A1CF: variants seen among roughly 807,000 people sequenced by gnomAD.
The protein encoded by A1CF is APOBEC1 complementation factor, also known as APOBEC-1 stimulating protein.
In A1CF, 48 loss-of-function variants were observed where a neutral mutation model predicts 68.9. The observed-to-expected ratio is 0.70, with a 90% CI of 0.55 to 0.89. The LOEUF is 0.89. Ranked by LOEUF, A1CF falls within the 40% of genes least tolerant of loss-of-function variation. The pLI is 0.00. For synonymous variants in A1CF, 272 were observed against 260.4 expected, an observed-to-expected ratio of 1.04 and a Z score of -0.43; for missense variants, 653 against 718.9, an observed-to-expected ratio of 0.91 and a Z score of 1.05.
chr10:50,809,560 C>G (rs898688245), intron 12 of A1CF, among the ~76,000 whole-genome samples: 1 of 152,070 alleles, frequency 6.6e-6, no homozygotes, highest in Admixed American at 6.5e-5. Flanking sequence ...ACAGTAAGAT[C>G]TCCAATAAAC....
At chr10:50,830,100 A>G (rs2132402612) in intron 6 of A1CF, among the ~76,000 whole-genome samples, 1 of 152,320 alleles carries the variant, frequency 6.6e-6, no homozygotes, top group East Asian at 1.9e-4. Flanking sequence ...CAAATACATT[A>G]ACTATAGTCA....
At chr10:50,838,835 A>G (rs1049521776) in intron 5 of A1CF, among the ~76,000 whole-genome samples, 1 of 151,964 alleles carries the variant, frequency 6.6e-6, no homozygotes, top group South Asian at 2.1e-4. Context: ...CGTTTATTCT[A>G]CCCCCTAATT....
chr10:50,866,541 T>C (rs1334660667), intron 1 of A1CF, among the ~76,000 whole-genome samples: 1 of 152,214 alleles, frequency 6.6e-6, no homozygotes, highest in East Asian at 1.9e-4. Context: ...TCAGGGAAGT[T>C]GGCAGGGAAA....
At chr10:50,812,362 T>A (rs1454652151) in intron 10 of A1CF, among the ~76,000 whole-genome samples, 3 of 152,206 alleles carry the variant, frequency 2.0e-5, no homozygotes, top group Non-Finnish European at 2.9e-5. Context: ...GGTGGTGGCA[T>A]GGTCTTCATT....
rs371020007 is a variant in A1CF at position 50,808,547 on chromosome 10, A to G, written c.1609+1347T>C. Among the ~76,000 whole-genome samples, 21 of 152,298 alleles carry G rather than the reference A, an allele frequency of 1.4e-4. No individual in the cohort carries two copies. The South Asian group carries it at 3.9e-3, about 29-fold the overall frequency. ...AGGCATCCTGAGTAAATGGACATGT[A>G]AACACCCTGTTATGTGGAAAGCAAG... On this transcript the variant is annotated intron_variant, in intron 12 of 12. Coordinates refer to ENST00000373997, the MANE Select transcript of A1CF (RefSeq NM_014576.4).
chr10:50,819,876 C>T (rs1167989816), intron 8 of A1CF, among the ~76,000 whole-genome samples: 1 of 152,290 alleles, frequency 6.6e-6, no homozygotes, highest in South Asian at 2.1e-4. Context: ...ACGTTTATCT[C>T]TCTTTATGAT....
intron 3 of A1CF, among the ~76,000 whole-genome samples, chr10:50,851,683 A>G (rs1840248920): frequency 6.6e-6 from 1 of 152,192 alleles, no homozygotes; most frequent in Non-Finnish European, 1.5e-5. Context: ...AGAGGTGTTT[A>G]AATCATACCT....
chr10:50,833,338 A>C (rs1169268184), intron 6 of A1CF, among the ~76,000 whole-genome samples: 1 of 152,190 alleles, frequency 6.6e-6, no homozygotes. Context: ...AATCTGTGCT[A>C]TAACAAGCCC....
chr10:50,868,084 C>T (rs1301308071), intron 1 of A1CF, among the ~76,000 whole-genome samples: 1 of 152,182 alleles, frequency 6.6e-6, no homozygotes, highest in Non-Finnish European at 1.5e-5. Flanking sequence ...GGGACCTCTC[C>T]AAACTGAACC....
chr10:50,809,518 G>A (rs546391308), intron 12 of A1CF, among the ~76,000 whole-genome samples: 3 of 152,056 alleles, frequency 2.0e-5, no homozygotes, highest in African/African-American at 4.8e-5. Flanking sequence ...ATATTATAAC[G>A]CTTCCTGACC....
intron 6 of A1CF, among the ~76,000 whole-genome samples, chr10:50,833,086 C>T (rs553149304): frequency 3.9e-5 from 6 of 152,176 alleles, no homozygotes; most frequent in Non-Finnish European, 8.8e-5. Flanking sequence ...CACCAGTTCC[C>T]TAACTTTATA....
At position 50,831,174 on chromosome 10, in the gene A1CF, G is replaced by A. The variant is rs142071358; in HGVS notation, c.605-2879C>T. 2.2e-4 allele frequency among the ~76,000 whole-genome samples: 34 copies of A among 152,124 alleles called. 1 individual carries two copies. In the East Asian group the frequency reaches 5.8e-3, roughly 26 times the overall value. Reference sequence around the variant, plus strand: ...TAAAACTACTAGAAAGAAACATAAGGGAAAGTTTCTTGACATTGGTCTGGG... The same window carrying A: ...TAAAACTACTAGAAAGAAACATAAGAGAAAGTTTCTTGACATTGGTCTGGG... On this transcript the variant is annotated intron_variant, in intron 6 of 12. Transcript: ENST00000373997.
chr10:50,852,494 T>G (rs1475796449), intron 3 of A1CF, among the ~76,000 whole-genome samples: 1 of 152,156 alleles, frequency 6.6e-6, no homozygotes, highest in Non-Finnish European at 1.5e-5. Context: ...GGTGATAAGC[T>G]TAGGGAAGCA....
Position 50,828,142 on chromosome 10 carries a change from T to A in A1CF, c.758A>T (p.Asn253Ile). 6.3e-7 allele frequency: 1 copy of A among 1,584,966 alleles called. No individual in the cohort carries two copies. The highest frequency in any genetic ancestry group is 1.3e-5 in the African/African-American group (1 of 74,380). ...TATATATGTCCTACCTGGTTTGATATTGTTGAATTCCTTTTCAATCATCTC... is the reference window on the plus strand; with the variant it reads ...TATATATGTCCTACCTGGTTTGATAATGTTGAATTCCTTTTCAATCATCTC... The part of the protein sequence containing the change: ...SEEMIEKEFN[N>I]IKPGAVERVK... Residue 253 changes from asparagine to isoleucine, a missense_variant, in exon 7 of 13, where the codon AAT becomes ATT. Asn to Ile is a moderately radical substitution (Grantham distance 149, BLOSUM62 -3). Transcript: ENST00000373997.
In A1CF at chr10:50,860,574, C is replaced by T. The variant is rs192840022; in HGVS notation, c.-45-589G>A. On this transcript the variant is annotated intron_variant, in intron 2 of 12. Transcript: ENST00000373997. ...AGAACAATGGATGCTTTTGACTTGA[C>T]GTGGGAAGGGTTTGCTAACACCCAG... Among the ~76,000 whole-genome samples, 9 of 152,164 alleles carry T rather than the reference C, an allele frequency of 5.9e-5. No homozygotes were observed. The East Asian group carries it at 1.2e-3, about 20-fold the overall frequency.
intron 1 of A1CF, among the ~76,000 whole-genome samples, chr10:50,865,622 C>G (rs1476872118): frequency 6.6e-6 from 1 of 152,172 alleles, no homozygotes; most frequent in Non-Finnish European, 1.5e-5. Context: ...ATTCACATGC[C>G]CTGCCACTTG....
chr10:50,841,161 T>C (rs1839756377), intron 5 of A1CF, among the ~76,000 whole-genome samples: 1 of 152,214 alleles, frequency 6.6e-6, no homozygotes, highest in Non-Finnish European at 1.5e-5. Context: ...TCCTCCCTTC[T>C]ATTAGAAGAA....
intron 1 of A1CF, among the ~76,000 whole-genome samples, chr10:50,880,761 A>C (rs1045987587): frequency 6.6e-6 from 1 of 152,230 alleles, no homozygotes. Flanking sequence ...AAATCAATAG[A>C]AATAAAAAAT....
At chr10:50,816,344 C>A in intron 8 of A1CF, 65 bp from the exon 9 acceptor site, 3 of 1,524,384 alleles carry the variant, frequency 2.0e-6, no homozygotes, top group Non-Finnish European at 2.7e-6. Flanking sequence ...GTGGCTGAGC[C>A]CTAATAACAT....
Sources: allele counts gnomAD v4.1 joint callset (sites outside exome capture counted in the v4.1 genomes callset), GRCh38; gene constraint gnomAD v4.1.1; transcripts MANE v1.5; gene names NCBI Gene and HGNC (gene_info 2026-07-23, HGNC 2026-07-21).